The following RBFOX1 variants were observed in gnomAD, a reference collection of about 807,000 sequenced individuals.
The protein encoded by RBFOX1 is RNA binding fox-1 homolog 1.
A neutral mutation model predicts 57.7 loss-of-function variants in RBFOX1; 8 were observed. That is an observed-to-expected ratio of 0.14 (90% CI 0.08 to 0.25). The LOEUF (loss-of-function observed/expected upper bound fraction) is 0.25, where lower values mean the gene tolerates loss of function less well. Among genes scored for constraint, RBFOX1 ranks in the 10% least tolerant of loss-of-function variants. The pLI is 1.00. For synonymous variants in RBFOX1, 326 were observed against 222.4 expected (o/e 1.47, Z -4.15); for missense variants, 611 against 548.5 (o/e 1.11, Z -1.14).
intron 4 of RBFOX1, among the ~76,000 whole-genome samples, chr16:7,300,280 C>T (rs546062762): frequency 6.6e-6 from 1 of 152,096 alleles, no homozygotes; most frequent in African/African-American, 2.4e-5. Context: ...TCCGGCCCCA[C>T]TGATGCCGAC....
chr16:5,253,678 G>C (rs1380609473), intron 1 of RBFOX1, among the ~76,000 whole-genome samples: 3 of 152,164 alleles, frequency 2.0e-5, no homozygotes, highest in Non-Finnish European at 4.4e-5. Context: ...TGCTGAATCT[G>C]TTACAGACAG....
At chr16:6,082,029 C>T (rs2096008838) in intron 1 of RBFOX1, among the ~76,000 whole-genome samples, 1 of 152,186 alleles carries the variant, frequency 6.6e-6, no homozygotes, top group South Asian at 2.1e-4. Context: ...ATATGAGCTT[C>T]AACTGTTTTC....
chr16:5,868,054 T>C (rs1353937802), intron 4 of RBFOX1, among the ~76,000 whole-genome samples: 1 of 152,176 alleles, frequency 6.6e-6, no homozygotes, highest in East Asian at 1.9e-4. Flanking sequence ...TGAAAGGAAT[T>C]GTGGTGGATG....
intron 3 of RBFOX1, among the ~76,000 whole-genome samples, chr16:6,938,694 C>T (rs148380230): frequency 6.6e-6 from 1 of 152,040 alleles, no homozygotes; most frequent in Non-Finnish European, 1.5e-5. Context: ...GCCATGTTGG[C>T]CAGGCTGGTC....
intron 2 of RBFOX1, among the ~76,000 whole-genome samples, chr16:6,394,055 G>T (rs907621420): frequency 6.6e-6 from 1 of 152,296 alleles, no homozygotes; most frequent in African/African-American, 2.4e-5. Context: ...AACATGCATA[G>T]CATCCTGCAA....
chr16:7,055,353 G>T (rs1171064950), intron 4 of RBFOX1, among the ~76,000 whole-genome samples: 2 of 152,094 alleles, frequency 1.3e-5, no homozygotes, highest in Admixed American at 1.3e-4. Context: ...GAAAAGCTAA[G>T]AGTTATTTAC....
At chr16:7,030,450 C>G (rs1437420734) in intron 3 of RBFOX1, among the ~76,000 whole-genome samples, 2 of 152,148 alleles carry the variant, frequency 1.3e-5, no homozygotes, top group Non-Finnish European at 2.9e-5. Context: ...GGCCAAGTTC[C>G]TTCTGAAGGC....
intron 4 of RBFOX1, among the ~76,000 whole-genome samples, chr16:7,485,267 T>C (rs2065089760): frequency 6.6e-6 from 1 of 152,228 alleles, no homozygotes; most frequent in Non-Finnish European, 1.5e-5. Flanking sequence ...CCCTCGCGTG[T>C]TGCTTTTCCC....
At chr16:5,281,886 T>C (rs1402787790) in intron 1 of RBFOX1, among the ~76,000 whole-genome samples, 1 of 152,216 alleles carries the variant, frequency 6.6e-6, no homozygotes, top group Non-Finnish European at 1.5e-5. Flanking sequence ...TCTCTGTCTT[T>C]TAGGTAGGTA....
At chr16:6,938,102 A>C (rs149211865) in intron 3 of RBFOX1, among the ~76,000 whole-genome samples, 1 of 152,154 alleles carries the variant, frequency 6.6e-6, no homozygotes, top group Non-Finnish European at 1.5e-5. Context: ...CTGCAATCAC[A>C]TACCTTAAAA....
chr16:6,947,382 C>T (rs114495891), intron 3 of RBFOX1, among the ~76,000 whole-genome samples: 1,944 of 152,276 alleles, frequency 0.013, 40 homozygotes, highest in African/African-American at 0.044. Flanking sequence ...GCATCTTAAT[C>T]GCTCTCCCTG....
chr16:7,698,536 C>T (rs943481218), intron 14 of RBFOX1, among the ~76,000 whole-genome samples: 2 of 152,142 alleles, frequency 1.3e-5, no homozygotes, highest in African/African-American at 4.8e-5. Context: ...TCAACCTACA[C>T]ATGCTGCCAG....
chr16:5,316,200 A>C (rs1413685778), intron 1 of RBFOX1, among the ~76,000 whole-genome samples: 2 of 152,190 alleles, frequency 1.3e-5, no homozygotes, highest in Non-Finnish European at 2.9e-5. Flanking sequence ...TCACATCTCT[A>C]ATCGAGCACA....
At chr16:7,456,242 T>G (rs988901064) in intron 4 of RBFOX1, among the ~76,000 whole-genome samples, 1 of 152,184 alleles carries the variant, frequency 6.6e-6, no homozygotes, top group African/African-American at 2.4e-5. Context: ...AGGACCCTCC[T>G]CTCAACATTG....
At position 6,586,497 on chromosome 16, in the gene RBFOX1, C is replaced by T. The variant is rs550626889; in HGVS notation, c.-63-68106C>T. ...GTGACATATGCCCAACTTGAATGGCCTTAAGGAAAAAAACAGTATTGTCTC... is the reference window on the plus strand; with the variant it reads ...GTGACATATGCCCAACTTGAATGGCTTTAAGGAAAAAAACAGTATTGTCTC... On this transcript the variant is annotated intron_variant, in intron 2 of 15. Transcript: ENST00000550418. Among the ~76,000 whole-genome samples, 4 of 152,140 alleles carry T rather than the reference C, an allele frequency of 2.6e-5. No homozygotes were observed. In the East Asian group the frequency reaches 5.8e-4, roughly 22 times the overall value.
At chr16:6,387,622 C>G (rs1355563843) in intron 2 of RBFOX1, among the ~76,000 whole-genome samples, 1 of 152,190 alleles carries the variant, frequency 6.6e-6, no homozygotes, top group Non-Finnish European at 1.5e-5. Flanking sequence ...AAGAAAATGT[C>G]TAGCATTGCT....
At chr16:6,045,906 G>A (rs566107459) in intron 1 of RBFOX1, among the ~76,000 whole-genome samples, 2 of 152,326 alleles carry the variant, frequency 1.3e-5, no homozygotes, top group Non-Finnish European at 1.5e-5. Context: ...GCAGGGCAAA[G>A]GCCCTGAAGT....
At chr16:5,662,110 A>G (rs2049672578) in intron 3 of RBFOX1, among the ~76,000 whole-genome samples, 1 of 152,104 alleles carries the variant, frequency 6.6e-6, no homozygotes, top group African/African-American at 2.4e-5. Flanking sequence ...TTGTTAACTG[A>G]AAGTTTGGAC....
intron 1 of RBFOX1, among the ~76,000 whole-genome samples, chr16:5,290,170 A>G (rs2063498305): frequency 6.6e-6 from 1 of 152,200 alleles, no homozygotes; most frequent in Admixed American, 6.5e-5. Flanking sequence ...GAACACGCAA[A>G]TCTATGAAGA....
Sources: allele counts gnomAD v4.1 joint callset (sites outside exome capture counted in the v4.1 genomes callset), GRCh38; gene constraint gnomAD v4.1.1; transcripts MANE v1.5; gene names NCBI Gene and HGNC (gene_info 2026-07-23, HGNC 2026-07-21).